The following UST variants were observed in gnomAD, a reference collection of about 807,000 sequenced individuals.
The protein encoded by UST is chondroitin sulfate 2-O-sulfotransferase.
A neutral mutation model predicts 45.6 loss-of-function variants in UST; 21 were observed. That is an observed-to-expected ratio of 0.46 (90% confidence interval 0.33 to 0.66). The LOEUF (loss-of-function observed/expected upper bound fraction) is 0.66. Among genes scored for constraint, UST ranks in the 30% least tolerant of loss-of-function variants. UST has a pLI of 0.02. For missense variants in UST, 463 were observed against 512.4 expected (o/e 0.90, Z 0.93); for synonymous variants, 215 against 200.6 (o/e 1.07, Z -0.61).
At chr6:148,902,983 A>G (rs375597229) in intron 2 of UST, among the ~76,000 whole-genome samples, 1 of 152,046 alleles carries the variant, frequency 6.6e-6, no homozygotes, top group Non-Finnish European at 1.5e-5. Context: ...AAAGGTTATT[A>G]TAGGTATTTT....
chr6:148,953,565 G>A (rs1030209986), intron 3 of UST, among the ~76,000 whole-genome samples: 6 of 152,066 alleles, frequency 3.9e-5, no homozygotes, highest in East Asian at 1.9e-4. Context: ...GGCGGATCAC[G>A]AGGTCAGAAG....
chr6:148,926,488 C>T (rs1457028356), intron 2 of UST, among the ~76,000 whole-genome samples: 1 of 152,196 alleles, frequency 6.6e-6, no homozygotes. Context: ...GGGTCTACCT[C>T]TTATCTTCGT....
intron 2 of UST, among the ~76,000 whole-genome samples, chr6:148,909,688 C>T (rs1005813468): frequency 7.9e-5 from 12 of 152,214 alleles, no homozygotes; most frequent in Non-Finnish European, 1.6e-4. Context: ...AGACCACCTC[C>T]ACTTTCACTT....
At chr6:148,956,580 A>G (rs778354006) in intron 4 of UST, among the ~76,000 whole-genome samples, 2 of 152,198 alleles carry the variant, frequency 1.3e-5, no homozygotes, top group Non-Finnish European at 2.9e-5. Flanking sequence ...GAGCCAAAAC[A>G]TATCAGATGC....
intron 5 of UST, chr6:148,993,176 GA>G: frequency 1.8e-6 from 1 of 567,824 alleles, no homozygotes; most frequent in Non-Finnish European, 2.2e-6. Context: ...GCCAGGGCAA[GA>G]AAGTGGAATA....
intron 1 of UST, among the ~76,000 whole-genome samples, chr6:148,797,155 T>G (rs1776967507): frequency 6.6e-6 from 1 of 152,126 alleles, no homozygotes; most frequent in Non-Finnish European, 1.5e-5. Flanking sequence ...CATGCACCTG[T>G]AGCCCCAGCT....
chr6:148,819,988 T>C (rs1251549167), intron 1 of UST, among the ~76,000 whole-genome samples: 1 of 152,180 alleles, frequency 6.6e-6, no homozygotes, highest in Non-Finnish European at 1.5e-5. Context: ...TCTGTACCCA[T>C]GGGGGCCTCT....
chr6:148,868,212 T>C (rs1778482190), intron 1 of UST, among the ~76,000 whole-genome samples: 1 of 152,244 alleles, frequency 6.6e-6, no homozygotes, highest in Non-Finnish European at 1.5e-5. Flanking sequence ...ATTGATGTTT[T>C]CTGCTGTTGG....
chr6:148,868,171 A>C (rs565674274), intron 1 of UST, among the ~76,000 whole-genome samples: 1 of 152,292 alleles, frequency 6.6e-6, no homozygotes, highest in Admixed American at 6.5e-5. Context: ...CATGATAATG[A>C]CTTTATTTTT....
At chr6:148,879,003 A>G (rs1174864271) in intron 1 of UST, among the ~76,000 whole-genome samples, 1 of 152,118 alleles carries the variant, frequency 6.6e-6, no homozygotes, top group Non-Finnish European at 1.5e-5. Flanking sequence ...CAACAGAACA[A>G]TACATTGTTT....
At chr6:148,901,467 C>T (rs996144510) in intron 2 of UST, among the ~76,000 whole-genome samples, 2 of 151,950 alleles carry the variant, frequency 1.3e-5, no homozygotes, top group Non-Finnish European at 2.9e-5. Context: ...ACAGGACCTC[C>T]AATGTTACTG....
At chr6:148,747,739 G>T in intron 1 of UST, 62 bp downstream of exon 1, 1 of 1,480,302 alleles carries the variant, frequency 6.8e-7, no homozygotes. Context: ...GGCGGGGAGA[G>T]GGTCGCGGCG....
At chr6:149,042,514 A>G (rs769943562) in intron 7 of UST, among the ~76,000 whole-genome samples, 24 of 152,196 alleles carry the variant, frequency 1.6e-4, no homozygotes, top group Non-Finnish European at 2.8e-4. Flanking sequence ...GGACCCAGGC[A>G]TAGCACTGCG....
In UST at chr6:149,032,220, C is replaced by T. The variant is rs550916044; in HGVS notation, c.937+10739C>T. 3.9e-5 allele frequency among the ~76,000 whole-genome samples: 6 copies of T among 152,312 alleles called. No homozygotes were observed. In the South Asian group the frequency reaches 1.2e-3, roughly 32 times the overall value. Reference sequence around the variant, plus strand: ...CCGGAGGGCCTGTGTCACCCTCCCCCCGTTTCCCTGCCCTCTTCCCATCCT... The same window carrying T: ...CCGGAGGGCCTGTGTCACCCTCCCCTCGTTTCCCTGCCCTCTTCCCATCCT... On this transcript the variant is annotated intron_variant, in intron 7 of 7. Transcript: ENST00000367463.
rs573888160 is a variant in UST at position 149,042,985 on chromosome 6, T to C, written c.937+21504T>C. On this transcript the variant is annotated intron_variant, in intron 7 of 7. Transcript: ENST00000367463. ...TTTCTTTCTTTCTTTCTTTCTTTCT[T>C]TCTTTCTTTCTTTCTTTCTTTCTTT... Among the ~76,000 whole-genome samples the C allele has an allele frequency of 3.4e-5, 4 of 116,456 alleles. No individual in the cohort carries two copies. In the South Asian group the frequency reaches 1.1e-3, roughly 31 times the overall value. The allele number at this position is 116,456 out of a possible 152,430, so 76.4% of individuals were successfully genotyped here.
chr6:148,898,831 G>T (rs1779187442), intron 2 of UST, among the ~76,000 whole-genome samples: 1 of 152,156 alleles, frequency 6.6e-6, no homozygotes, highest in African/African-American at 2.4e-5. Flanking sequence ...ATCCAGACCA[G>T]CCTCAGTTAC....
At chr6:148,861,489 C>T (rs1259082243) in intron 1 of UST, among the ~76,000 whole-genome samples, 2 of 152,130 alleles carry the variant, frequency 1.3e-5, no homozygotes, top group Non-Finnish European at 2.9e-5. Context: ...TTTTGTGTCT[C>T]TGTCTCCTTC....
At chr6:149,051,318 G>A (rs1355043822) in intron 7 of UST, among the ~76,000 whole-genome samples, 1 of 152,230 alleles carries the variant, frequency 6.6e-6, no homozygotes, top group Non-Finnish European at 1.5e-5. Flanking sequence ...GGTCATCCCT[G>A]TGAAAGATGC....
chr6:148,965,565 G>A (rs1780773904), intron 5 of UST, among the ~76,000 whole-genome samples: 1 of 152,214 alleles, frequency 6.6e-6, no homozygotes, highest in Non-Finnish European at 1.5e-5. Flanking sequence ...CAGGGCCACG[G>A]CCAGGACGGC....
Sources: allele counts gnomAD v4.1 joint callset (sites outside exome capture counted in the v4.1 genomes callset), GRCh38; gene constraint gnomAD v4.1.1; transcripts MANE v1.5; gene names NCBI Gene and HGNC (gene_info 2026-07-23, HGNC 2026-07-21).